The following HUNK variants were observed in gnomAD, a reference collection of about 807,000 sequenced individuals.
HUNK encodes hormonally up-regulated neu tumor-associated kinase.
HUNK carries 21 observed loss-of-function variants against 61.0 expected under a neutral mutation model. The ratio of observed to expected loss-of-function variants is 0.34; its 90% CI spans 0.24 to 0.50. The LOEUF (loss-of-function observed/expected upper bound fraction) is 0.50, where lower values mean the gene tolerates loss of function less well. Among genes scored for constraint, HUNK ranks in the 20% least tolerant of loss-of-function variants. The pLI is 0.98. For synonymous variants in HUNK, 371 were observed against 386.1 expected, an observed-to-expected ratio of 0.96 and a Z score of 0.46; for missense variants, 772 against 945.7, an observed-to-expected ratio of 0.82 and a Z score of 2.41.
chr21:31,947,630 G>C (rs2052818535), intron 4 of HUNK, among the ~76,000 whole-genome samples: 2 of 152,186 alleles, frequency 1.3e-5, no homozygotes, highest in Non-Finnish European at 2.9e-5. Context: ...GGTACAGGAA[G>C]GGCCACCAGG....
chr21:31,995,818 A>G lies in HUNK; in HGVS notation c.1356A>G (p.Pro452=), dbSNP rs1479641052. 1 of 1,614,206 alleles carries G rather than the reference A, an allele frequency of 6.2e-7. No homozygotes were observed. Among genetic ancestry groups the G allele is most frequent in the Non-Finnish European group, 8.5e-7 (1 of 1,180,008 alleles). Residue 452 remains proline (P), a synonymous_variant, in exon 10 of 11, where the codon CCA becomes CCG. Coordinates refer to ENST00000270112, the MANE Select transcript of HUNK (RefSeq NM_014586.2). ...AAAGAGGGGATTTTCTTCATCGACCATTCTCCAAGAAGTTGGACAAGAACC... is the reference window on the plus strand; with the variant it reads ...AAAGAGGGGATTTTCTTCATCGACCGTTCTCCAAGAAGTTGGACAAGAACC... ...QEKRGDFLHR[P]FSKKLDKNLP... is the part of the protein sequence containing the mutation.
chr21:31,959,481 T>G (rs1893728506), intron 5 of HUNK, among the ~76,000 whole-genome samples: 1 of 152,232 alleles, frequency 6.6e-6, no homozygotes, highest in African/African-American at 2.4e-5. Context: ...AGTTACTTGA[T>G]TGGACTGAAT....
chr21:31,987,979 G>A (rs1188319810), intron 8 of HUNK, among the ~76,000 whole-genome samples: 1 of 152,208 alleles, frequency 6.6e-6, no homozygotes, highest in East Asian at 1.9e-4. Context: ...CGTGTCCCGG[G>A]CACTGAGTGC....
At chr21:31,896,487 T>C (rs2052425937) in intron 1 of HUNK, among the ~76,000 whole-genome samples, 1 of 152,216 alleles carries the variant, frequency 6.6e-6, no homozygotes, top group Non-Finnish European at 1.5e-5. Context: ...AATCTCCTCC[T>C]TGAGTAAGGA....
chr21:31,910,490 CTTTT>C (rs34782673), intron 1 of HUNK, among the ~76,000 whole-genome samples: 3 of 136,672 alleles, frequency 2.2e-5, no homozygotes, highest in African/African-American at 2.8e-5. Context: ...TCAGGATATC[CTTTT>C]TTTTTTTTTT....
rs367852433 is a variant in HUNK, at chr21:31,924,286, T to TGTGTGTGTGTGTG, written c.262-182_262-181insGTGTGTGTGTGTG. On this transcript the variant is annotated intron_variant, in intron 1 of 10. Transcript: ENST00000270112. This position sits in a 1 kb window ranked among gnomAD's most constrained non-coding sequence, Gnocchi z 5.1. Reference sequence around the variant, plus strand: ...CCTATATGTGTGTGTGTGTGTGTGTTTGTGTGGTATATGCATAAATATAAA... The same window carrying TGTGTGTGTGTGTG: ...CCTATATGTGTGTGTGTGTGTGTGTTGTGTGTGTGTGTGTGTGTGGTATATGCATAAATATAAA... Among the ~76,000 whole-genome samples the TGTGTGTGTGTGTG allele has an allele frequency of 5.1e-4, 71 of 138,368 alleles. 1 individual carries two copies. Among genetic ancestry groups the TGTGTGTGTGTGTG allele is most frequent in the African/African-American group, 1.8e-3 (67 of 37,238 alleles). The allele number at this position is 138,368 out of a possible 152,430, so 90.8% of individuals were successfully genotyped here.
chr21:31,888,361 T>A (rs150203648), intron 1 of HUNK, among the ~76,000 whole-genome samples: 6 of 152,318 alleles, frequency 3.9e-5, no homozygotes, highest in African/African-American at 1.2e-4. Context: ...TCCCAGGGAC[T>A]GAGAGGTGCT....
At chr21:31,881,458 C>G (rs1253483338) in intron 1 of HUNK, among the ~76,000 whole-genome samples, 2 of 152,146 alleles carry the variant, frequency 1.3e-5, no homozygotes, top group South Asian at 2.1e-4. Context: ...GAAACCCTGT[C>G]TCTACTAAAA....
chr21:31,973,666 G>A (rs562806970), intron 6 of HUNK, among the ~76,000 whole-genome samples: 10 of 152,134 alleles, frequency 6.6e-5, no homozygotes, highest in Admixed American at 2.6e-4. Flanking sequence ...CCCGGCTGCC[G>A]GTTCTTAATT....
intron 6 of HUNK, among the ~76,000 whole-genome samples, chr21:31,968,801 T>C (rs574720966): frequency 6.7e-6 from 1 of 149,616 alleles, no homozygotes; most frequent in East Asian, 2.0e-4. Flanking sequence ...TCCATGTGCA[T>C]GGGTGTTGTG....
intron 6 of HUNK, among the ~76,000 whole-genome samples, chr21:31,969,192 AGTGTGTTTGC>A (rs2052992556): frequency 6.6e-6 from 1 of 150,792 alleles, no homozygotes; most frequent in African/African-American, 2.4e-5. Flanking sequence ...TTGTGTTGTG[AGTGTGTTTGC>A]GTGTGTGTGA....
rs138350398 is a variant in HUNK at position 31,959,590 on chromosome 21, C to T, written c.874+620C>T. On this transcript the variant is annotated intron_variant, in intron 5 of 10. Coordinates refer to ENST00000270112, the MANE Select transcript of HUNK (RefSeq NM_014586.2). ...TGGTTTCAGATCCAGTAAATCAGTACAATTTGTTCTTTTGTTTGGTTCACA... is the reference window on the plus strand; with the variant it reads ...TGGTTTCAGATCCAGTAAATCAGTATAATTTGTTCTTTTGTTTGGTTCACA... Among the ~76,000 whole-genome samples, 368 of 152,292 alleles carry T rather than the reference C, an allele frequency of 2.4e-3. 4 individuals carry two copies. Among genetic ancestry groups the T allele is most frequent in the African/African-American group, 8.5e-3 (352 of 41,562 alleles).
intron 1 of HUNK, among the ~76,000 whole-genome samples, chr21:31,874,731 C>A (rs1199795515): frequency 6.6e-6 from 1 of 151,994 alleles, no homozygotes; most frequent in Non-Finnish European, 1.5e-5. Flanking sequence ...ACAGATACCT[C>A]CCCCCAGAGA....
intron 4 of HUNK, among the ~76,000 whole-genome samples, chr21:31,950,370 CA>C (rs1170412012): frequency 6.6e-6 from 1 of 152,148 alleles, no homozygotes. Flanking sequence ...GCAACCCTAG[CA>C]CATATGGCTG....
At chr21:31,925,334 G>A (rs1373285801) in intron 2 of HUNK, among the ~76,000 whole-genome samples, 1 of 152,140 alleles carries the variant, frequency 6.6e-6, no homozygotes. Context: ...CTCTCAGTTG[G>A]AGTAAAGGTC....
intron 1 of HUNK, among the ~76,000 whole-genome samples, chr21:31,882,138 G>C (rs952725042): frequency 6.6e-6 from 1 of 151,996 alleles, no homozygotes; most frequent in African/African-American, 2.4e-5. Context: ...TTTTTGATGA[G>C]TAGAGTAACA....
At chr21:31,967,974 G>T (rs2052978946) in intron 5 of HUNK, among the ~76,000 whole-genome samples, 1 of 152,168 alleles carries the variant, frequency 6.6e-6, no homozygotes, top group African/African-American at 2.4e-5. Context: ...CTTGGACAGA[G>T]AAATTAAATT....
At chr21:31,892,156 AAAAAAAATAT>A (rs904261603) in intron 1 of HUNK, among the ~76,000 whole-genome samples, 6 of 111,964 alleles carry the variant, frequency 5.4e-5, no homozygotes, top group African/African-American at 1.7e-4. Flanking sequence ...GTTAAAAAAA[AAAAAAAATAT>A]ATATATATAT....
intron 1 of HUNK, among the ~76,000 whole-genome samples, chr21:31,886,382 C>A (rs1326840274): frequency 3.3e-5 from 5 of 149,402 alleles, no homozygotes; most frequent in Admixed American, 3.3e-4. Flanking sequence ...GCCGAGATTG[C>A]GCCATTGTAC....
Sources: allele counts gnomAD v4.1 joint callset (sites outside exome capture counted in the v4.1 genomes callset), GRCh38; gene constraint gnomAD v4.1.1; non-coding constraint Gnocchi (gnomAD v3.1); transcripts MANE v1.5; gene names NCBI Gene and HGNC (gene_info 2026-07-23, HGNC 2026-07-21).